KCNH8: variants seen among roughly 807,000 people sequenced by gnomAD.
The protein encoded by KCNH8 is voltage-gated delayed rectifier potassium channel KCNH8.
Under a neutral mutation model 103.6 loss-of-function variants are expected in KCNH8, and 70 were observed. That is an observed-to-expected ratio of 0.68 (90% CI 0.56 to 0.82). The LOEUF (loss-of-function observed/expected upper bound fraction) is 0.82. Among genes scored for constraint, KCNH8 ranks in the 40% least tolerant of loss-of-function variants. The probability of loss-of-function intolerance (pLI) is 0.00; values close to 1 mark genes in which losing one functional copy is unlikely to be tolerated. For synonymous variants in KCNH8, 498 were observed against 489.4 expected (o/e 1.02, Z -0.23); for missense variants, 1,217 against 1,329.9 (o/e 0.92, Z 1.32).
At chr3:19,318,174 C>T (rs1481567781) in intron 3 of KCNH8, among the ~76,000 whole-genome samples, 2 of 151,878 alleles carry the variant, frequency 1.3e-5, no homozygotes, top group Non-Finnish European at 1.5e-5. Flanking sequence ...CATTCCTGTA[C>T]ACCAACAACA....
rs750765830 is a variant in KCNH8 at position 19,206,168 on chromosome 3, G to GTATATATATATATA, written c.77-47482_77-47469dup. ...GTATATATATATTAATGGTGTGTGT[G>GTATATATATATATA]TATATATATATATATATCACAGTTA... On this transcript the variant is annotated intron_variant, in intron 1 of 15. Transcript: ENST00000328405. Among the ~76,000 whole-genome samples the GTATATATATATATA allele has an allele frequency of 7.7e-4, 107 of 139,230 alleles. 1 individual carries two copies. Among genetic ancestry groups the GTATATATATATATA allele is most frequent in the African/African-American group, 2.5e-3 (88 of 34,834 alleles). 91.3% of individuals were successfully genotyped at this position (139,230 alleles called of 152,430 possible). A position where few individuals can be genotyped will look rare whatever the true frequency, so the allele number is the denominator to read the frequency against.
At chr3:19,511,487 A>G (rs1179160581) in intron 12 of KCNH8, among the ~76,000 whole-genome samples, 3 of 152,152 alleles carry the variant, frequency 2.0e-5, no homozygotes, top group Non-Finnish European at 4.4e-5. Flanking sequence ...TAATTAGAGA[A>G]TGCGCTCATT....
chr3:19,312,830 C>T (rs1219613800), intron 3 of KCNH8, among the ~76,000 whole-genome samples: 1 of 151,820 alleles, frequency 6.6e-6, no homozygotes, highest in Non-Finnish European at 1.5e-5. Context: ...AGATTTCTTC[C>T]AGCACCACCA....
intron 11 of KCNH8, among the ~76,000 whole-genome samples, chr3:19,509,806 T>C (rs1452469311): frequency 1.3e-5 from 2 of 152,040 alleles, no homozygotes; most frequent in African/African-American, 2.4e-5. Flanking sequence ...AGTGAGATAG[T>C]GGAAAACAAG....
intron 1 of KCNH8, among the ~76,000 whole-genome samples, chr3:19,163,590 T>A (rs2063254923): frequency 6.6e-6 from 1 of 152,148 alleles, no homozygotes; most frequent in East Asian, 1.9e-4. Flanking sequence ...TTATATTATC[T>A]TCTGAGGTAG....
chr3:19,501,320 G>C (rs1046101799), intron 11 of KCNH8, among the ~76,000 whole-genome samples: 14 of 152,192 alleles, frequency 9.2e-5, no homozygotes, highest in Admixed American at 2.6e-4. Flanking sequence ...AGACCAGATG[G>C]ATTCACAGCC....
intron 1 of KCNH8, among the ~76,000 whole-genome samples, chr3:19,208,849 C>T (rs77264438): frequency 3.3e-5 from 5 of 151,780 alleles, no homozygotes; most frequent in Admixed American, 1.3e-4. Context: ...GACGGGAAAA[C>T]GGGGGTTGAA....
At chr3:19,494,134 C>G (rs2068384667) in intron 11 of KCNH8, among the ~76,000 whole-genome samples, 1 of 152,192 alleles carries the variant, frequency 6.6e-6, no homozygotes, top group Non-Finnish European at 1.5e-5. Context: ...GGATAATTGC[C>G]TCCAGCTCCA....
intron 11 of KCNH8, among the ~76,000 whole-genome samples, chr3:19,464,289 T>A (rs2067692243): frequency 1.3e-5 from 2 of 152,104 alleles, no homozygotes; most frequent in African/African-American, 2.4e-5. Context: ...AAAATGGCAG[T>A]TTAGACTATC....
At chr3:19,466,039 A>C (rs371086843) in intron 11 of KCNH8, among the ~76,000 whole-genome samples, 1 of 151,864 alleles carries the variant, frequency 6.6e-6, no homozygotes, top group African/African-American at 2.4e-5. Context: ...GGCCCAAGAG[A>C]TCCTCCAACC....
chr3:19,382,485 T>C (rs1421391501), intron 5 of KCNH8, among the ~76,000 whole-genome samples: 1 of 152,178 alleles, frequency 6.6e-6, no homozygotes, highest in African/African-American at 2.4e-5. Flanking sequence ...AAAGTAAAAA[T>C]TTAATACGTT....
At chr3:19,478,292 G>C (rs2068017913) in intron 11 of KCNH8, among the ~76,000 whole-genome samples, 2 of 152,016 alleles carry the variant, frequency 1.3e-5, no homozygotes, top group East Asian at 3.9e-4. Context: ...CCCTCTCGGT[G>C]TATACCCAGT....
At position 19,534,293 on chromosome 3, in the gene KCNH8, A is replaced by G; in HGVS notation, c.*194A>G. The G allele has an allele frequency of 1.7e-6, 1 of 591,162 alleles. No homozygotes were observed. The highest frequency in any genetic ancestry group is 3.0e-6 in the Non-Finnish European group (1 of 334,242). 36.6% of individuals were successfully genotyped at this position (591,162 alleles called of 1,614,324 possible). On this transcript the variant is annotated 3_prime_UTR_variant, in exon 16 of 16. Coordinates refer to ENST00000328405, the MANE Select transcript of KCNH8 (RefSeq NM_144633.3). ...AATTTCTAGATACTAGAAGCATAAT[A>G]GAAACATTTTTCTGTACAGGTATTA...
rs558842992 is a variant in KCNH8 at position 19,291,076 on chromosome 3, G to A, written c.442+9747G>A. 2.8e-3 allele frequency among the ~76,000 whole-genome samples: 422 copies of A among 152,256 alleles called. 2 individuals carry two copies. The highest frequency in any genetic ancestry group is 9.7e-3 in the African/African-American group (405 of 41,542). The stretch of plus-strand genomic sequence containing the variant: ...CTGATGGTAGTTTGTATTTCTGTGG[G>A]ATTGGTGGTGATATCCCCTTTATCA... On this transcript the variant is annotated intron_variant, in intron 3 of 15. Coordinates refer to ENST00000328405, the MANE Select transcript of KCNH8 (RefSeq NM_144633.3).
At chr3:19,197,880 T>A (rs1266701828) in intron 1 of KCNH8, among the ~76,000 whole-genome samples, 1 of 152,130 alleles carries the variant, frequency 6.6e-6, no homozygotes, top group Non-Finnish European at 1.5e-5. Flanking sequence ...AGAAATAATT[T>A]TTTAAAATTT....
chr3:19,195,600 A>G (rs1382198889), intron 1 of KCNH8, among the ~76,000 whole-genome samples: 1 of 151,860 alleles, frequency 6.6e-6, no homozygotes, highest in African/African-American at 2.4e-5. Context: ...GGCCCTGTGT[A>G]TAGGATTGGT....
chr3:19,332,783 C>T (rs539789202), intron 3 of KCNH8, among the ~76,000 whole-genome samples: 1 of 152,094 alleles, frequency 6.6e-6, no homozygotes, highest in African/African-American at 2.4e-5. Flanking sequence ...CAGGTGCACG[C>T]CACCACACCC....
chr3:19,319,278 T>C (rs1036560085), intron 3 of KCNH8, among the ~76,000 whole-genome samples: 2 of 152,104 alleles, frequency 1.3e-5, no homozygotes, highest in African/African-American at 4.8e-5. Flanking sequence ...TGTTATCTTC[T>C]AGAATCTTTA....
chr3:19,457,010 G>A (rs746422950), intron 11 of KCNH8, 28 bp downstream of exon 11: 1 of 1,490,298 alleles, frequency 6.7e-7, no homozygotes, highest in African/African-American at 1.4e-5. Flanking sequence ...TTAGTGCTAA[G>A]ACCTAATAAC....
Sources: gnomAD v4.1 joint callset for allele counts (sites outside exome capture counted in the v4.1 genomes callset) on GRCh38, gnomAD v4.1.1 for gene constraint, MANE v1.5 for transcripts, NCBI Gene and HGNC (gene_info 2026-07-23, HGNC 2026-07-21) for gene names.